Variants in LYVE1 observed in about 807,000 individuals in gnomAD.
LYVE1 encodes lymphatic vessel endothelial hyaluronan receptor 1, also known as lymphatic vessel endothelial hyaluronic acid receptor 1.
In LYVE1, 29 loss-of-function variants were observed where a neutral mutation model predicts 31.5. The ratio of observed to expected loss-of-function variants is 0.92; its 90% CI spans 0.69 to 1.26. The LOEUF (loss-of-function observed/expected upper bound fraction) is 1.26. LYVE1 is among the 50% of genes most tolerant of loss of function. LYVE1 has a pLI of 0.00. For missense variants in LYVE1, 376 were observed against 380.2 expected (o/e 0.99, Z 0.09); for synonymous variants, 134 against 139.4 (o/e 0.96, Z 0.27).
intron 3 of LYVE1, among the ~76,000 whole-genome samples, chr11:10,561,174 T>A (rs776138780): frequency 8.5e-5 from 13 of 152,132 alleles, no homozygotes; most frequent in Non-Finnish European, 1.9e-4. Flanking sequence ...CTCTGACTCA[T>A]CCCTCAGGTC....
rs1309216748 is a variant in LYVE1 at position 10,563,921 on chromosome 11, G to C, written c.397+19C>G. ...ATACCCAGAGAATGCCACGTGGAAA[G>C]GTTGCAGATCAGACTCACCAGATGA... On this transcript the variant is annotated intron_variant, in intron 3 of 5. Transcript: ENST00000256178. 6.2e-7 allele frequency: 1 copy of C among 1,613,978 alleles called. No individual in the cohort carries two copies. The highest frequency in any genetic ancestry group is 8.5e-7 in the Non-Finnish European group (1 of 1,179,904).
intron 5 of LYVE1, 120 bp downstream of exon 5, chr11:10,559,696 T>C (rs1047605928): frequency 1.3e-6 from 1 of 781,502 alleles, no homozygotes; most frequent in African/African-American, 1.7e-5. Flanking sequence ...GAGGGAGAAA[T>C]TTATATCAGA....
intron 1 of LYVE1, among the ~76,000 whole-genome samples, chr11:10,565,867 A>C (rs1850527190): frequency 1.3e-5 from 2 of 151,768 alleles, no homozygotes; most frequent in South Asian, 4.2e-4. Context: ...CTGGAGTGCA[A>C]TAGCGTGATC....
intron 1 of LYVE1, among the ~76,000 whole-genome samples, chr11:10,566,545 C>G (rs185150327): frequency 6.6e-6 from 1 of 152,286 alleles, no homozygotes; most frequent in African/African-American, 2.4e-5. Flanking sequence ...GCTCTTTTAG[C>G]TCATGAGCTT....
rs1458778983 is a variant in LYVE1, at chr11:10,559,820, T to C, written c.778A>G (p.Lys260Glu). Residue 260 changes from lysine (K) to glutamate (E), a missense_variant, in exon 5 of 6, where the codon AAA (lysine) becomes GAA (glutamate). Lys to Glu is a moderately conservative substitution (Grantham distance 56). Transcript: ENST00000256178. ...GCAGTGCACCAACAACCCTACCTTT[T>C]GACATAGCAAAATCCAAGACCAGCT... ...AAAGLGFCYVKRYVKAFPFTN... is the reference protein window; with the variant it reads ...AAAGLGFCYVERYVKAFPFTN... 4 of 1,613,730 alleles carry C rather than the reference T, an allele frequency of 2.5e-6. No individual in the cohort carries two copies. The highest frequency in any genetic ancestry group is 1.3e-5 in the African/African-American group (1 of 74,842).
At chr11:10,568,036 A>C (rs565617026) in intron 1 of LYVE1, among the ~76,000 whole-genome samples, 1 of 152,322 alleles carries the variant, frequency 6.6e-6, no homozygotes, top group South Asian at 2.1e-4. Context: ...GCAGTGGCTC[A>C]TGCCTGCAAT....
In LYVE1 at chr11:10,560,235, A is replaced by G. The variant is rs560395263; in HGVS notation, c.703+260T>C. On this transcript the variant is annotated intron_variant, in intron 4 of 5. Transcript: ENST00000256178. ...TATATTTTAAAAAGAACTTATGCAT[A>G]GGAACAGATAGTGATTTATTTTTAA... 3.9e-5 allele frequency among the ~76,000 whole-genome samples: 6 copies of G among 152,376 alleles called. No individual in the cohort carries two copies. The East Asian group carries it at 1.2e-3, about 29-fold the overall frequency.
rs770320641 is a variant in LYVE1, at chr11:10,559,770, A to C, written c.782+46T>G. 3.8e-6 allele frequency: 6 copies of C among 1,559,506 alleles called. No individual in the cohort carries two copies. The African/African-American group carries it at 8.1e-5, about 21-fold the overall frequency. On this transcript the variant is annotated intron_variant, in intron 5 of 5. Transcript: ENST00000256178. ...GTGACCCTGAAAAAGCACAGGATAG[A>C]AACATGACAAAGATTACAAGACTAG...
Position 10,560,793 on chromosome 11 carries a change from C to A in LYVE1, c.405G>T (p.Trp135Cys), listed in dbSNP as rs374173885. ...AAYCYNSSDT[W>C]TNSCIPEIIT... is the part of the protein sequence containing the mutation. ...TAATTTCTGGAATGCACGAGTTAGT[C>A]CAAGTATCTGTTGGGATAGGGAAAC... The change falls in exon 4 of 6, where the codon TGG becomes TGT. Residue 135 changes from tryptophan to cysteine, a missense_variant. By Grantham distance (215) the Trp-to-Cys change is radical. Coordinates refer to ENST00000256178, the MANE Select transcript of LYVE1 (RefSeq NM_006691.4). 1.4e-5 allele frequency: 23 copies of A among 1,608,036 alleles called. No individual in the cohort carries two copies. The highest frequency in any genetic ancestry group is 1.8e-5 in the Non-Finnish European group (21 of 1,175,558).
rs1384148242 is a variant in LYVE1 at position 10,559,364 on chromosome 11, C to A, written c.783-67G>T. ...CATAACGATAGATAACACTTTTTGGCCATGGTACATATTGGCACAGTACAC... is the reference window on the plus strand; with the variant it reads ...CATAACGATAGATAACACTTTTTGGACATGGTACATATTGGCACAGTACAC... On this transcript the variant is annotated intron_variant, in intron 5 of 5. Coordinates refer to ENST00000256178, the MANE Select transcript of LYVE1 (RefSeq NM_006691.4). 24 of 1,335,222 alleles carry A rather than the reference C, an allele frequency of 1.8e-5. No homozygotes were observed. In the East Asian group the frequency reaches 5.4e-4, roughly 30 times the overall value. The allele number at this position is 1,335,222 out of a possible 1,614,324, so 82.7% of individuals were successfully genotyped here.
intron 2 of LYVE1, 34 bp downstream of exon 2, chr11:10,564,168 CT>C: frequency 6.2e-7 from 1 of 1,614,038 alleles, no homozygotes; most frequent in East Asian, 2.2e-5. Context: ...TAAAAAAGAA[CT>C]CCAGCAGTGA....
At position 10,558,942 on chromosome 11, in the gene LYVE1, C is replaced by T. The variant is rs1284645383; in HGVS notation, c.*169G>A. 4 of 604,898 alleles carry T rather than the reference C, an allele frequency of 6.6e-6. No homozygotes were observed. Among genetic ancestry groups the T allele is most frequent in the Non-Finnish European group, 1.2e-5 (4 of 343,394 alleles). 37.5% of individuals were successfully genotyped at this position (604,898 alleles called of 1,614,324 possible). On this transcript the variant is annotated 3_prime_UTR_variant, in exon 6 of 6. Coordinates refer to ENST00000256178, the MANE Select transcript of LYVE1 (RefSeq NM_006691.4). ...GGGTTACAATAAGGAGAAGGGCATT[C>T]TCTTTGGTGCACTCCATAGTCCAAT... is the stretch of plus-strand genomic sequence containing the variant.
Position 10,564,237 on chromosome 11 carries a change from C to A in LYVE1, c.223G>T (p.Glu75Ter), listed in dbSNP as rs1364348860. The A allele has an allele frequency of 1.2e-6, 2 of 1,614,166 alleles. No homozygotes were observed. Among genetic ancestry groups the A allele is most frequent in the East Asian group, 4.5e-5 (2 of 44,886 alleles). Reference protein sequence around the residue: ...GLSLAGKDQVETALKASFETC... With the variant: ...GLSLAGKDQV Reference sequence around the variant, plus strand: ...TCAAAGCTAGCTTTCAAGGCTGTTTCAACTTGGTCCTTGCCGGCCAAACTT... The same window carrying A: ...TCAAAGCTAGCTTTCAAGGCTGTTTAAACTTGGTCCTTGCCGGCCAAACTT... Residue 75 changes from glutamate (E) to a stop codon, truncating the protein, a stop_gained, in exon 2 of 6, where the codon GAA (glutamate) becomes TAA (stop). Transcript: ENST00000256178. LOFTEE classifies it high-confidence loss of function.
rs746240000 is a variant in LYVE1 at position 10,560,546 on chromosome 11, G to C, written c.652C>G (p.Pro218Ala). The change falls in exon 4 of 6, where the codon CCA becomes GCA. Residue 218 changes from proline to alanine, a missense_variant. Pro to Ala is a conservative substitution (Grantham distance 27, BLOSUM62 -1). Coordinates refer to ENST00000256178, the MANE Select transcript of LYVE1 (RefSeq NM_006691.4). ...ETSTMSTETE[P>A]FVENKAAFKN... ...AATGCTGCTTTATTTTCAACAAATGGTTCAGTTTCTGTAGACATGGTGCTA... is the reference window on the plus strand; with the variant it reads ...AATGCTGCTTTATTTTCAACAAATGCTTCAGTTTCTGTAGACATGGTGCTA... 5.0e-6 allele frequency: 8 copies of C among 1,613,484 alleles called. No individual in the cohort carries two copies. The East Asian group carries it at 1.8e-4, about 36-fold the overall frequency.
At chr11:10,566,645 C>T (rs560068577) in intron 1 of LYVE1, among the ~76,000 whole-genome samples, 2 of 152,194 alleles carry the variant, frequency 1.3e-5, no homozygotes, top group East Asian at 1.9e-4. Context: ...ACTACCCTCT[C>T]ATCATATGTC....
chr11:10,559,734 A>G, intron 5 of LYVE1, 82 bp downstream of exon 5: 1 of 1,270,388 alleles, frequency 7.9e-7, no homozygotes, highest in Non-Finnish European at 1.1e-6. Context: ...TTGATCAGCA[A>G]AATGCCAACA....
chr11:10,561,842 G>T (rs775317531), intron 3 of LYVE1, among the ~76,000 whole-genome samples: 5 of 152,158 alleles, frequency 3.3e-5, no homozygotes, highest in Non-Finnish European at 7.3e-5. Context: ...CTAGCAGAGG[G>T]ATAGCATTAG....
intron 4 of LYVE1, among the ~76,000 whole-genome samples, chr11:10,560,208 T>A (rs1239598693): frequency 1.3e-5 from 2 of 152,132 alleles, no homozygotes; most frequent in Non-Finnish European, 2.9e-5. Context: ...GCCTTTAGGG[T>A]ATATATTTTA....
chr11:10,568,456 C>T lies in LYVE1; in HGVS notation c.77G>A (p.Arg26His), dbSNP rs758069812. The change falls in exon 1 of 6, where the codon CGT becomes CAT. Residue 26 changes from arginine to histidine, a missense_variant. Transcript: ENST00000256178. ...TTRLLVQGSL[R>H]AEELSIQVSC... is the part of the protein sequence containing the mutation. ...TCTGGTGAGAAACCTACCTTCTGCA[C>T]GCAAAGAGCCTTGGACCAGGAGCCT... 4.2e-5 allele frequency: 68 copies of T among 1,613,686 alleles called. No homozygotes were observed. Among genetic ancestry groups the T allele is most frequent in the South Asian group, 2.4e-4 (22 of 91,042 alleles).
Sources: allele counts gnomAD v4.1 joint callset (sites outside exome capture counted in the v4.1 genomes callset), GRCh38; gene constraint gnomAD v4.1.1; transcripts MANE v1.5; gene names NCBI Gene and HGNC (gene_info 2026-07-23, HGNC 2026-07-21).